PTCD3: variants seen among roughly 807,000 people sequenced by gnomAD.
The protein encoded by PTCD3 is small ribosomal subunit protein mS39.
PTCD3 carries 89 observed loss-of-function variants against 101.9 expected under a neutral mutation model. That is an observed-to-expected ratio of 0.87 (90% CI 0.74 to 1.04). PTCD3 has a LOEUF of 1.04. PTCD3 is among the 50% of genes least tolerant of loss of function. PTCD3 has a pLI of 0.00. For synonymous variants in PTCD3, 296 were observed against 278.5 expected (o/e 1.06, Z -0.63); for missense variants, 870 against 828.2 (o/e 1.05, Z -0.62).
At chr2:86,134,778 T>C in intron 20 of PTCD3, 61 bp from the exon 21 acceptor site, 1 of 1,578,120 alleles carries the variant, frequency 6.3e-7, no homozygotes, top group Non-Finnish European at 8.7e-7. Context: ...TGTGTTAGTC[T>C]CCTGAACTGA....
intron 6 of PTCD3, among the ~76,000 whole-genome samples, chr2:86,118,625 GT>G (rs1288422350): frequency 2.0e-5 from 3 of 152,210 alleles, no homozygotes; most frequent in African/African-American, 7.2e-5. Context: ...AATGTCTGGG[GT>G]AAAATAGTAG....
chr2:86,134,442 C>G, intron 20 of PTCD3, 65 bp downstream of exon 20: 1 of 1,295,032 alleles, frequency 7.7e-7, no homozygotes, highest in Non-Finnish European at 1.1e-6. Flanking sequence ...GCTAGCTTCC[C>G]TGGTTTTATC....
At chr2:86,107,982 C>T (rs1673994878) in intron 1 of PTCD3, among the ~76,000 whole-genome samples, 2 of 152,206 alleles carry the variant, frequency 1.3e-5, no homozygotes, top group African/African-American at 2.4e-5. Context: ...TTTGTCTAGC[C>T]GGGCATGGTG....
intron 4 of PTCD3, 86 bp from the exon 5 acceptor site, chr2:86,116,444 G>A: frequency 1.8e-6 from 2 of 1,111,614 alleles, no homozygotes; most frequent in South Asian, 1.3e-5. Context: ...GGCTGAGGCA[G>A]GAGAATCCCT....
In PTCD3 at chr2:86,139,363, G is replaced by A. The variant is rs1674645933; in HGVS notation, c.*1804G>A. The A allele has an allele frequency of 6.6e-6, 1 of 152,184 alleles. No homozygotes were observed. The highest frequency in any genetic ancestry group is 1.5e-5 in the Non-Finnish European group (1 of 68,106). 9.4% of individuals were successfully genotyped at this position (152,184 alleles called of 1,614,324 possible). The stretch of plus-strand genomic sequence containing the variant: ...AAAAAAATAAAAAGCCAGACTGGTG[G>A]TATGTATCTGTGTCCCAGCTAATTG... On this transcript the variant is annotated 3_prime_UTR_variant, in exon 24 of 24. Transcript: ENST00000254630.
In PTCD3 at chr2:86,139,044, T is replaced by C. The variant is rs576679404; in HGVS notation, c.*1485T>C. ...GTAGTAGACTTTCAAAATGAGTGAT[T>C]TGTTAGCTTGGTACTTTTAAGTTTG... On this transcript the variant is annotated 3_prime_UTR_variant, in exon 24 of 24. Transcript: ENST00000254630. 6.6e-6 allele frequency: 1 copy of C among 152,324 alleles called. No homozygotes were observed. The highest frequency in any genetic ancestry group is 2.1e-4 in the South Asian group (1 of 4,826). 9.4% of individuals were successfully genotyped at this position (152,324 alleles called of 1,614,324 possible).
chr2:86,123,205 T>G (rs910669367), intron 8 of PTCD3, among the ~76,000 whole-genome samples: 1 of 149,424 alleles, frequency 6.7e-6, no homozygotes, highest in Non-Finnish European at 1.5e-5. Context: ...GAGGTTGCAG[T>G]GAGCCAAGAC....
chr2:86,129,414 C>T (rs1299521777), intron 14 of PTCD3, among the ~76,000 whole-genome samples: 2 of 152,184 alleles, frequency 1.3e-5, no homozygotes, highest in Admixed American at 1.3e-4. Context: ...ATTTAGGAAG[C>T]CAAGGCAGGA....
intron 3 of PTCD3, chr2:86,108,980 C>T (rs560029337): frequency 6.4e-6 from 1 of 156,174 alleles, no homozygotes; most frequent in East Asian, 1.9e-4. Flanking sequence ...AACAAATTGC[C>T]TCATCTCATT....
At chr2:86,132,719 G>T in intron 17 of PTCD3, 1 of 317,886 alleles carries the variant, frequency 3.1e-6, no homozygotes, top group Non-Finnish European at 5.7e-6. Context: ...AGCAGGGTGA[G>T]CCCTGAAGAT....
Position 86,140,086 on chromosome 2 carries a change from A to G in PTCD3, c.*2527A>G, listed in dbSNP as rs1674656512. On this transcript the variant is annotated 3_prime_UTR_variant, in exon 24 of 24. Coordinates refer to ENST00000254630, the MANE Select transcript of PTCD3 (RefSeq NM_017952.6). ...AGTAAATGCTTAATGAATGCCACCA[A>G]CTCTGCAAAGTATTCATTGATTTTG... 6.6e-6 allele frequency: 1 copy of G among 152,128 alleles called. No homozygotes were observed. The highest frequency in any genetic ancestry group is 1.5e-5 in the Non-Finnish European group (1 of 68,030). 9.4% of individuals were successfully genotyped at this position (152,128 alleles called of 1,614,324 possible). A position where few individuals can be genotyped will look rare whatever the true frequency, so the allele number is the denominator to read the frequency against.
chr2:86,125,572 T>G, intron 11 of PTCD3, 57 bp downstream of exon 11: 2 of 1,513,400 alleles, frequency 1.3e-6, no homozygotes, highest in Non-Finnish European at 1.8e-6. Flanking sequence ...TAATTGTCTG[T>G]GTGAAGGCTT....
chr2:86,115,715 A>G (rs1486829615), intron 4 of PTCD3, among the ~76,000 whole-genome samples: 5 of 152,184 alleles, frequency 3.3e-5, no homozygotes, highest in Admixed American at 6.5e-5. Context: ...AAAGAAAGCA[A>G]TTCTGGGGCA....
At chr2:86,113,667 C>T (rs77085771) in intron 4 of PTCD3, among the ~76,000 whole-genome samples, 3,627 of 151,966 alleles carry the variant, frequency 0.024, 148 homozygotes, top group African/African-American at 0.081. Context: ...ATTAGCTGAG[C>T]GTGGTAGTAT....
intron 17 of PTCD3, 37 bp from the exon 18 acceptor site, chr2:86,133,141 G>A: frequency 1.2e-6 from 2 of 1,604,684 alleles, no homozygotes; most frequent in Non-Finnish European, 1.7e-6. Context: ...TAGACATAGG[G>A]ACTTTAGACT....
chr2:86,140,157 AAGAAACAGAACTTCGAGAAG>A lies in PTCD3; in HGVS notation c.*2599_*2618del, dbSNP rs1354723215. 6.6e-6 allele frequency: 1 copy of A among 151,864 alleles called. No individual in the cohort carries two copies. The allele number at this position is 151,864 out of a possible 1,614,324, so 9.4% of individuals were successfully genotyped here. ...CTAAAAGTAGGGCATATGACCGCCTAAGAAACAGAACTTCGAGAAGTCCTAACGTAACCACAGTAAAGCAG... is the reference window on the plus strand; with the variant it reads ...CTAAAAGTAGGGCATATGACCGCCTATCCTAACGTAACCACAGTAAAGCAG... On this transcript the variant is annotated 3_prime_UTR_variant, in exon 24 of 24. Coordinates refer to ENST00000254630, the MANE Select transcript of PTCD3 (RefSeq NM_017952.6).
At chr2:86,112,353 G>GC (rs1674104524) in intron 4 of PTCD3, among the ~76,000 whole-genome samples, 1 of 137,324 alleles carries the variant, frequency 7.3e-6, no homozygotes, top group Admixed American at 7.6e-5. Context: ...ACAGTGCCCG[G>GC]CCTTTTTTTT....
chr2:86,106,428 G>A (rs1337292546), intron 1 of PTCD3, 77 bp downstream of exon 1: 1 of 1,453,110 alleles, frequency 6.9e-7, no homozygotes, highest in Non-Finnish European at 9.5e-7. Context: ...GGCTGTGGAA[G>A]TAGGCACGAT....
At chr2:86,133,661 G>A (rs1674531564) in intron 19 of PTCD3, among the ~76,000 whole-genome samples, 1 of 152,310 alleles carries the variant, frequency 6.6e-6, no homozygotes, top group South Asian at 2.1e-4. Flanking sequence ...ACATAGGAAT[G>A]AGCTGAGTTT....
Sources: allele counts gnomAD v4.1 joint callset (sites outside exome capture counted in the v4.1 genomes callset), GRCh38; gene constraint gnomAD v4.1.1; transcripts MANE v1.5; gene names NCBI Gene and HGNC (gene_info 2026-07-23, HGNC 2026-07-21).